The following PPM1D variants were observed in gnomAD, a reference collection of about 807,000 sequenced individuals.
PPM1D encodes the protein protein phosphatase 1D.
Under a neutral mutation model 58.3 loss-of-function variants are expected in PPM1D, and 52 were observed. That is an observed-to-expected ratio of 0.89 (90% CI 0.71 to 1.12). The LOEUF is 1.12. Ranked by LOEUF, PPM1D falls within the 50% of genes most tolerant of loss-of-function variation. The pLI is 0.00. For synonymous variants in PPM1D, 278 were observed against 285.1 expected (o/e 0.98, Z 0.25); for missense variants, 564 against 777.2 (o/e 0.73, Z 3.26).
chr17:60,636,601 A>C (rs2031025997), intron 3 of PPM1D, among the ~76,000 whole-genome samples: 3 of 152,206 alleles, frequency 2.0e-5, no homozygotes. Flanking sequence ...AGTAAAGTGT[A>C]AGTAAAGAGA....
chr17:60,615,489 T>G (rs1055303378), intron 1 of PPM1D, among the ~76,000 whole-genome samples: 1 of 151,744 alleles, frequency 6.6e-6, no homozygotes, highest in Non-Finnish European at 1.5e-5. Context: ...TCGTTTTATG[T>G]CATTAAAAAA....
chr17:60,620,167 T>G lies in PPM1D; in HGVS notation c.473-3354T>G, dbSNP rs149258127. 7.8e-3 allele frequency among the ~76,000 whole-genome samples: 1,185 copies of G among 152,082 alleles called. 13 individuals are homozygous for G. The highest frequency in any genetic ancestry group is 0.027 in the African/African-American group (1,106 of 41,498). On this transcript the variant is annotated intron_variant, in intron 1 of 5. Coordinates refer to ENST00000305921, the MANE Select transcript of PPM1D (RefSeq NM_003620.4). ...GCGCCTGCCACCATGCCTGGCTAATTTCTGTATTTTTCGTAGAGACGGGGT... is the reference window on the plus strand; with the variant it reads ...GCGCCTGCCACCATGCCTGGCTAATGTCTGTATTTTTCGTAGAGACGGGGT...
At chr17:60,647,361 A>G (rs2031268376) in intron 3 of PPM1D, among the ~76,000 whole-genome samples, 1 of 152,176 alleles carries the variant, frequency 6.6e-6, no homozygotes. Context: ...GATTATTTAA[A>G]CATTTATATT....
chr17:60,608,802 C>G (rs962127013), intron 1 of PPM1D, among the ~76,000 whole-genome samples: 8 of 151,248 alleles, frequency 5.3e-5, no homozygotes, highest in African/African-American at 1.2e-4. Flanking sequence ...GGCTGGAGTG[C>G]AGTGGCGCTA....
At chr17:60,645,488 G>GTA (rs1439626621) in intron 3 of PPM1D, among the ~76,000 whole-genome samples, 3 of 144,128 alleles carry the variant, frequency 2.1e-5, no homozygotes, top group Non-Finnish European at 4.5e-5. Context: ...GTGTGTGTGT[G>GTA]TGTGTATGTG....
chr17:60,629,430 C>T (rs916431749), intron 2 of PPM1D, among the ~76,000 whole-genome samples: 1 of 152,168 alleles, frequency 6.6e-6, no homozygotes, highest in Admixed American at 6.5e-5. Context: ...AGACAATATC[C>T]TTGAAGCTGC....
At chr17:60,644,824 G>A (rs1004349047) in intron 3 of PPM1D, among the ~76,000 whole-genome samples, 3 of 152,024 alleles carry the variant, frequency 2.0e-5, no homozygotes, top group Admixed American at 6.6e-5. Flanking sequence ...TGAACAATTC[G>A]TAATAAAATT....
rs1400966948 is a variant in PPM1D at position 60,623,680 on chromosome 17, T to C, written c.632T>C (p.Val211Ala). The C allele has an allele frequency of 1.9e-6, 3 of 1,614,154 alleles. No individual in the cohort carries two copies. In the Admixed American group the frequency reaches 5.0e-5, roughly 27 times the overall value. Residue 211 changes from valine to alanine, a missense_variant, in exon 2 of 6, where the codon GTG becomes GCG. Physicochemically the swap from Val to Ala is moderately conservative, Grantham distance 64. This residue lies in a region of PPM1D where 95 missense variants were observed against 232.6 expected (regional missense o/e 0.41). Coordinates refer to ENST00000305921, the MANE Select transcript of PPM1D (RefSeq NM_003620.4). ...DDPKDDFVRA[V>A]EVTQDHKPEL... ...CCGAAGGATGACTTTGTCAGAGCTG[T>C]GGAGGTGACACAGGACCATAAGCCA...
intron 1 of PPM1D, among the ~76,000 whole-genome samples, chr17:60,601,445 A>T (rs548158751): frequency 1.3e-5 from 2 of 152,304 alleles, no homozygotes; most frequent in South Asian, 4.1e-4. Flanking sequence ...AAAGTTTTGG[A>T]AGGAATTCCG....
At chr17:60,604,768 G>A (rs148378558) in intron 1 of PPM1D, 3 of 152,224 alleles carry the variant, frequency 2.0e-5, no homozygotes, top group Non-Finnish European at 2.9e-5. Flanking sequence ...CATGGGTTGG[G>A]ATTTAATACA....
chr17:60,605,181 A>G (rs1248329381), intron 1 of PPM1D, among the ~76,000 whole-genome samples: 5 of 152,212 alleles, frequency 3.3e-5, no homozygotes, highest in Non-Finnish European at 5.9e-5. Flanking sequence ...TGCAGTGACT[A>G]ATGGCTCAAT....
At chr17:60,659,774 A>G (rs2031496792) in intron 5 of PPM1D, among the ~76,000 whole-genome samples, 1 of 152,218 alleles carries the variant, frequency 6.6e-6, no homozygotes, top group South Asian at 2.1e-4. Flanking sequence ...CCTGGGGTAC[A>G]TCTAAGAAGT....
chr17:60,662,932 G>C, intron 5 of PPM1D, 63 bp from the exon 6 acceptor site: 1 of 1,444,910 alleles, frequency 6.9e-7, no homozygotes, highest in South Asian at 1.3e-5. Flanking sequence ...AATATCACAT[G>C]CATAGATTTG....
intron 3 of PPM1D, among the ~76,000 whole-genome samples, chr17:60,643,222 A>G (rs1057070839): frequency 2.0e-5 from 3 of 152,032 alleles, no homozygotes; most frequent in Non-Finnish European, 4.4e-5. Context: ...TGTAGAAAAA[A>G]ATACAAAAAA....
chr17:60,652,037 T>C (rs1350058861), intron 4 of PPM1D, among the ~76,000 whole-genome samples: 2 of 152,216 alleles, frequency 1.3e-5, no homozygotes, highest in Non-Finnish European at 2.9e-5. Context: ...CTTTAAAAAA[T>C]TCGAAGTATA....
At position 60,663,342 on chromosome 17, in the gene PPM1D, GACATTA is replaced by G; in HGVS notation, c.1609_1614del (p.Thr537_Leu538del). On this transcript the variant is annotated inframe_deletion, in exon 6 of 6. Transcript: ENST00000305921. ...GAACCCCTCCAACAAACTTTAAAAG[GACATTA>G]GAAGAGTCCAATTCTGGCCCCCTGA... 6.2e-7 allele frequency: 1 copy of G among 1,613,988 alleles called. No individual in the cohort carries two copies. Among genetic ancestry groups the G allele is most frequent in the Non-Finnish European group, 8.5e-7 (1 of 1,180,032 alleles).
Position 60,600,551 on chromosome 17 carries a change from C to G in PPM1D, c.137C>G (p.Ser46Cys), listed in dbSNP as rs1010277339. The change falls in exon 1 of 6, where the codon TCT becomes TGT. Residue 46 changes from serine to cysteine, a missense_variant. Around this residue, in one of 7 missense-constraint regions of PPM1D, gnomAD observed 132 missense variants for 150.4 expected, o/e 0.88. Coordinates refer to ENST00000305921, the MANE Select transcript of PPM1D (RefSeq NM_003620.4). Reference protein sequence around the residue: ...EEKPSPRRSLSQPLPPRPSPA... With the variant: ...EEKPSPRRSLCQPLPPRPSPA... The stretch of plus-strand genomic sequence containing the variant: ...AAGCCCTCGCCGCGGCGGTCGCTGT[C>G]TCAGCCGTTGCCTCCGCGGCCGTCG... 22 of 1,553,432 alleles carry G rather than the reference C, an allele frequency of 1.4e-5. No homozygotes were observed. Among genetic ancestry groups the G allele is most frequent in the Non-Finnish European group, 1.7e-5 (20 of 1,148,978 alleles).
rs778248039 is a variant in PPM1D, at chr17:60,663,371, T to C, written c.1637T>C (p.Leu546Pro). The C allele has an allele frequency of 5.6e-6, 9 of 1,614,016 alleles. No homozygotes were observed. The highest frequency in any genetic ancestry group is 1.7e-6 in the Non-Finnish European group (2 of 1,180,016). Reference sequence around the variant, plus strand: ...TTAGAAGAGTCCAATTCTGGCCCCCTGATGAAGAAGCATAGACGAAATGGC... The same window carrying C: ...TTAGAAGAGTCCAATTCTGGCCCCCCGATGAAGAAGCATAGACGAAATGGC... ...RTLEESNSGP[L>P]MKKHRRNGLS... The change falls in exon 6 of 6, where the codon CTG (leucine) becomes CCG (proline). Residue 546 changes from leucine (L) to proline (P), a missense_variant. Leu to Pro is a moderately conservative substitution (Grantham distance 98). Coordinates refer to ENST00000305921, the MANE Select transcript of PPM1D (RefSeq NM_003620.4).
At position 60,659,010 on chromosome 17, in the gene PPM1D, G is replaced by A. The variant is rs576156609; in HGVS notation, c.1260+2169G>A. 4.6e-5 allele frequency among the ~76,000 whole-genome samples: 7 copies of A among 152,176 alleles called. No homozygotes were observed. In the South Asian group the frequency reaches 1.5e-3, roughly 32 times the overall value. Reference sequence around the variant, plus strand: ...ATAATGACCTAATAATACTACTAAAGTAAAGATAAGAAGACGTATGTTTGC... The same window carrying A: ...ATAATGACCTAATAATACTACTAAAATAAAGATAAGAAGACGTATGTTTGC... On this transcript the variant is annotated intron_variant, in intron 5 of 5. Coordinates refer to ENST00000305921, the MANE Select transcript of PPM1D (RefSeq NM_003620.4).
Sources: gnomAD v4.1 joint callset for allele counts (sites outside exome capture counted in the v4.1 genomes callset) on GRCh38, gnomAD v4.1.1 for gene constraint, gnomAD v4.1.1 regional missense constraint, MANE v1.5 for transcripts, NCBI Gene and HGNC (gene_info 2026-07-23, HGNC 2026-07-21) for gene names.